Variants in COL4A3 observed in about 807,000 individuals in gnomAD.
COL4A3 encodes the protein collagen type IV alpha 3 chain.
COL4A3 carries 135 observed loss-of-function variants against 217.4 expected under a neutral mutation model. That is an observed-to-expected ratio of 0.62 (90% CI 0.54 to 0.72). COL4A3 has a LOEUF of 0.72. Among genes scored for constraint, COL4A3 ranks in the 30% least tolerant of loss-of-function variants. The probability of loss-of-function intolerance (pLI) is 0.00; values close to 1 mark genes in which losing one functional copy is unlikely to be tolerated. For missense variants in COL4A3, 1,868 were observed against 2,119.9 expected, an observed-to-expected ratio of 0.88 and a Z score of 2.33; for synonymous variants, 690 against 736.3, an observed-to-expected ratio of 0.94 and a Z score of 1.02.
At chr2:227,244,715 A>T in intron 4 of COL4A3, 2 of 688,392 alleles carry the variant, frequency 2.9e-6, no homozygotes, top group East Asian at 5.1e-5. Flanking sequence ...TACCTTAGGA[A>T]TCGATCCAAA....
Position 227,282,563 on chromosome 2 carries a change from T to G in COL4A3, c.2656+31T>G. On this transcript the variant is annotated intron_variant, in intron 32 of 51. Coordinates refer to ENST00000396578, the MANE Select transcript of COL4A3 (RefSeq NM_000091.5). The surrounding 1 kb of genome is among the most constrained non-coding windows in gnomAD (Gnocchi z 4.4). ...CTTTTGTGTGTTTCTATTTTTCTTC[T>G]TATTTCTTCTTCTTCTTAAGGTGGC... 6.2e-7 allele frequency: 1 copy of G among 1,602,378 alleles called. No homozygotes were observed. Among genetic ancestry groups the G allele is most frequent in the Non-Finnish European group, 8.5e-7 (1 of 1,170,244 alleles).
At chr2:227,262,784 T>C (rs2070669991) in intron 20 of COL4A3, among the ~76,000 whole-genome samples, 1 of 152,160 alleles carries the variant, frequency 6.6e-6, no homozygotes, top group South Asian at 2.1e-4. Flanking sequence ...CTCTAAGAGT[T>C]TTTTTGATGG....
intron 17 of COL4A3, chr2:227,256,645 G>A: frequency 4.4e-6 from 3 of 674,246 alleles, no homozygotes; most frequent in East Asian, 5.6e-5. Flanking sequence ...CAGTGAGAGT[G>A]CAGCTTCCCA....
intron 10 of COL4A3, 45 bp downstream of exon 10, chr2:227,251,247 A>C (rs2069723386): frequency 1.3e-6 from 2 of 1,590,282 alleles, no homozygotes; most frequent in African/African-American, 1.3e-5. Flanking sequence ...CAACTAATAG[A>C]TTCATTATTT....
Position 227,297,749 on chromosome 2 carries a change from C to A in COL4A3, c.3641C>A (p.Pro1214His). Residue 1214 changes from proline (P) to histidine (H), a missense_variant, in exon 42 of 52, where the codon CCT becomes CAT. Around this residue, in one of 2 missense-constraint regions of COL4A3, gnomAD observed 1,503 missense variants for 1,786.1 expected, o/e 0.84. Coordinates refer to ENST00000396578, the MANE Select transcript of COL4A3 (RefSeq NM_000091.5). The part of the protein sequence containing the change: ...GRKGAMGDAG[P>H]RGPTGIEGFP... ...AAAGGGGCCATGGGAGATGCTGGAC[C>A]TCGAGGACCCACAGGCATAGAAGGA... The A allele has an allele frequency of 6.2e-7, 1 of 1,602,596 alleles. No individual in the cohort carries two copies. Among genetic ancestry groups the A allele is most frequent in the South Asian group, 1.1e-5 (1 of 88,172 alleles).
chr2:227,171,115 C>T (rs1353897147), intron 1 of COL4A3, among the ~76,000 whole-genome samples: 4 of 152,120 alleles, frequency 2.6e-5, no homozygotes, highest in East Asian at 1.9e-4. Flanking sequence ...AAAGACCATT[C>T]GGGTCAAGGA....
intron 37 of COL4A3, 62 bp from the exon 38 acceptor site, chr2:227,293,129 C>T (rs773083859): frequency 1.7e-4 from 266 of 1,605,596 alleles, no homozygotes; most frequent in Non-Finnish European, 2.1e-4. Context: ...AAAGTTTATG[C>T]TGAATTCTTA....
At chr2:227,289,528 T>A (rs1309998360) in intron 35 of COL4A3, among the ~76,000 whole-genome samples, 1 of 152,230 alleles carries the variant, frequency 6.6e-6, no homozygotes, top group Non-Finnish European at 1.5e-5. Context: ...ATATCACATA[T>A]CAGAGATGAA....
Position 227,164,741 on chromosome 2 carries a change from C to G in COL4A3, c.15C>G (p.Thr5=). Reference sequence around the variant, plus strand: ...GCGCGCCCACCATGAGCGCCCGGACCGCCCCCAGGCCGCAGGTGCTCCTGC... The same window carrying G: ...GCGCGCCCACCATGAGCGCCCGGACGGCCCCCAGGCCGCAGGTGCTCCTGC... The part of the protein sequence containing the change: MSAR[T]APRPQVLLLP... The change falls in exon 1 of 52, where the codon ACC becomes ACG. Residue 5 remains threonine (T), a synonymous_variant. Coordinates refer to ENST00000396578, the MANE Select transcript of COL4A3 (RefSeq NM_000091.5). The surrounding 1 kb of genome is among the most constrained non-coding windows in gnomAD (Gnocchi z 4.8). The G allele has an allele frequency of 6.5e-7, 1 of 1,528,364 alleles. No individual in the cohort carries two copies. Among genetic ancestry groups the G allele is most frequent in the Non-Finnish European group, 8.7e-7 (1 of 1,144,430 alleles). The allele number at this position is 1,528,364 out of a possible 1,614,324, so 94.7% of individuals were successfully genotyped here. A position where few individuals can be genotyped will look rare whatever the true frequency, so the allele number is the denominator to read the frequency against.
chr2:227,183,007 G>A (rs1293962164), intron 1 of COL4A3, among the ~76,000 whole-genome samples: 1 of 152,196 alleles, frequency 6.6e-6, no homozygotes, highest in Non-Finnish European at 1.5e-5. Context: ...ATTTAGAGAA[G>A]CTTCCCCTAA....
intron 47 of COL4A3, chr2:227,305,338 T>G: frequency 2.2e-6 from 1 of 451,902 alleles, no homozygotes; most frequent in African/African-American, 2.0e-5. Context: ...CAAATAGAAC[T>G]AATAAGTCCT....
At chr2:227,285,180 ATT>A (rs978055373) in intron 34 of COL4A3, among the ~76,000 whole-genome samples, 2 of 149,878 alleles carry the variant, frequency 1.3e-5, no homozygotes, top group Non-Finnish European at 3.0e-5. Flanking sequence ...GTTTTGAGAT[ATT>A]TGAAATGACT....
Position 227,307,696 on chromosome 2 carries a change from T to C in COL4A3, c.4253-14T>C, listed in dbSNP as rs747386514. 3.0e-5 allele frequency: 48 copies of C among 1,611,608 alleles called. No homozygotes were observed. In the Middle Eastern group the frequency reaches 4.9e-4, roughly 17 times the overall value. Reference sequence around the variant, plus strand: ...TTTGTGTATGTTGCAACATTTAGAATGTGTTTTTTGAAGGACCAGCTGGAT... The same window carrying C: ...TTTGTGTATGTTGCAACATTTAGAACGTGTTTTTTGAAGGACCAGCTGGAT... On this transcript the variant is annotated splice_polypyrimidine_tract_variant and intron_variant, in intron 47 of 51. Transcript: ENST00000396578.
chr2:227,289,014 G>A (rs1426171067), intron 34 of COL4A3, 136 bp from the exon 35 acceptor site: 21 of 622,608 alleles, frequency 3.4e-5, no homozygotes, highest in South Asian at 2.0e-4. Flanking sequence ...GCAGTGGCAC[G>A]ATCTCAGCTC....
chr2:227,260,139 G>T, intron 19 of COL4A3: 1 of 623,362 alleles, frequency 1.6e-6, no homozygotes, highest in Non-Finnish European at 3.0e-6. Context: ...TTGCTGGAGG[G>T]CAGGAGGAGG....
chr2:227,254,812 A>C, intron 15 of COL4A3, 97 bp downstream of exon 15: 1 of 885,316 alleles, frequency 1.1e-6, no homozygotes, highest in South Asian at 1.4e-5. Flanking sequence ...AAACTAGCTC[A>C]AGCTAAAAAT....
At chr2:227,192,169 C>T (rs1024552554) in intron 1 of COL4A3, among the ~76,000 whole-genome samples, 2 of 152,160 alleles carry the variant, frequency 1.3e-5, no homozygotes, top group Admixed American at 6.5e-5. Context: ...CATTGAAAAA[C>T]AGATGGTAAA....
At chr2:227,245,505 T>A (rs931631401) in intron 5 of COL4A3, among the ~76,000 whole-genome samples, 1 of 152,122 alleles carries the variant, frequency 6.6e-6, no homozygotes, top group Non-Finnish European at 1.5e-5. Flanking sequence ...TTGGTATTCA[T>A]AGGGGTCCTG....
rs2067718392 is a variant in COL4A3 at position 227,220,212 on chromosome 2, T to A, written c.88-17756T>A. Among the ~76,000 whole-genome samples, 2 of 40,018 alleles carry A rather than the reference T, an allele frequency of 5.0e-5. 1 individual carries two copies. The highest frequency in any genetic ancestry group is 6.0e-4 in the Admixed American group (2 of 3,310). 26.3% of individuals were successfully genotyped at this position (40,018 alleles called of 152,430 possible). A position where few individuals can be genotyped will look rare whatever the true frequency, so the allele number is the denominator to read the frequency against. On this transcript the variant is annotated intron_variant, in intron 1 of 51. Transcript: ENST00000396578. The stretch of plus-strand genomic sequence containing the variant: ...TTTTTTTTTTTTTTTTGAGACAGAG[T>A]CTCACTGTCACCCAGGCTGGAGTGC...
Sources: allele counts gnomAD v4.1 joint callset (sites outside exome capture counted in the v4.1 genomes callset), GRCh38; gene constraint gnomAD v4.1.1; regional missense constraint gnomAD v4.1.1; non-coding constraint Gnocchi (gnomAD v3.1); transcripts MANE v1.5; gene names NCBI Gene and HGNC (gene_info 2026-07-23, HGNC 2026-07-21).